Variants in GABRR3 observed in about 807,000 individuals in gnomAD.
GABRR3 encodes gamma-aminobutyric acid type A receptor subunit rho3.
A neutral mutation model predicts 43.2 loss-of-function variants in GABRR3; 29 were observed. The observed-to-expected ratio is 0.67, with a 90% CI of 0.50 to 0.92. GABRR3 has a LOEUF of 0.92. GABRR3 is among the 40% of genes least tolerant of loss of function. The pLI is 0.00. For synonymous variants in GABRR3, 206 were observed against 195.9 expected (o/e 1.05, Z -0.43); for missense variants, 576 against 572.3 (o/e 1.01, Z -0.07).
intron 9 of GABRR3, among the ~76,000 whole-genome samples, chr3:97,987,825 G>A (rs1490886146): frequency 1.3e-5 from 2 of 151,880 alleles, no homozygotes; most frequent in Non-Finnish European, 2.9e-5. Context: ...CATCTAGGCT[G>A]GAGGGCAGTG....
At position 98,035,229 on chromosome 3, in the gene GABRR3, T is replaced by A. The variant is rs561993365; in HGVS notation, c.-42A>T. 14 of 498,570 alleles carry A rather than the reference T, an allele frequency of 2.8e-5. No individual in the cohort carries two copies. In the East Asian group the frequency reaches 4.1e-4, roughly 15 times the overall value. 30.9% of individuals were successfully genotyped at this position (498,570 alleles called of 1,614,324 possible). A position where few individuals can be genotyped will look rare whatever the true frequency, so the allele number is the denominator to read the frequency against. Reference sequence around the variant, plus strand: ...ATTTGAGGAAAACAAAGCAGATTTTTAAAATTTTCAGTTTACATCCTTTGG... The same window carrying A: ...ATTTGAGGAAAACAAAGCAGATTTTAAAAATTTTCAGTTTACATCCTTTGG... On this transcript the variant is annotated 5_prime_UTR_variant, in exon 1 of 10. Coordinates refer to ENST00000621172, the Ensembl canonical transcript of GABRR3.
intron 2 of GABRR3, among the ~76,000 whole-genome samples, chr3:98,030,052 T>C (rs1462619071): frequency 1.3e-5 from 2 of 148,222 alleles, no homozygotes; most frequent in East Asian, 2.0e-4. Context: ...GAGGCAGAGG[T>C]GGCAGTGAGC....
chr3:98,016,707 A>G (rs1706876637), intron 4 of GABRR3, among the ~76,000 whole-genome samples: 1 of 152,228 alleles, frequency 6.6e-6, no homozygotes, highest in Admixed American at 6.5e-5. Flanking sequence ...ATCAAGAGTG[A>G]GTAAAAAGGA....
Position 97,998,531 on chromosome 3 carries a change from G to A in GABRR3, c.907+3084C>T, listed in dbSNP as rs77682774. Reference sequence around the variant, plus strand: ...AAATATTTGTTTCAGATAGCACATTGCAATTAAACTTTAAGGGATTATCAC... The same window carrying A: ...AAATATTTGTTTCAGATAGCACATTACAATTAAACTTTAAGGGATTATCAC... On this transcript the variant is annotated intron_variant, in intron 8 of 9. Coordinates refer to ENST00000621172, the Ensembl canonical transcript of GABRR3. The A allele has an allele frequency of 5.0e-3, 756 of 152,216 alleles. 5 individuals carry two copies. Among genetic ancestry groups the A allele is most frequent in the African/African-American group, 0.017 (712 of 41,532 alleles). 9.4% of individuals were successfully genotyped at this position (152,216 alleles called of 1,614,324 possible).
intron 5 of GABRR3, 97 bp downstream of exon 5, chr3:98,012,247 A>C: frequency 1.2e-6 from 1 of 840,208 alleles, no homozygotes; most frequent in East Asian, 2.6e-5. Flanking sequence ...TTAAACAGAC[A>C]GCAACATTGT....
downstream of GABRR3, among the ~76,000 whole-genome samples, chr3:97,985,378 G>GT (rs1706370756): frequency 6.6e-6 from 1 of 152,168 alleles, no homozygotes; most frequent in South Asian, 2.1e-4. Context: ...ATTTCATTCA[G>GT]TTTTTTCACT....
chr3:98,008,812 AAAAAAAG>A lies in GABRR3; in HGVS notation c.613+137_613+143del. The A allele has an allele frequency of 1.2e-5, 5 of 419,956 alleles. No homozygotes were observed. In the South Asian group the frequency reaches 2.1e-4, roughly 17 times the overall value. 26.0% of individuals were successfully genotyped at this position (419,956 alleles called of 1,614,324 possible). ...AAAACAGAAACCAAAAAAAAAAAAAAAAAAAAGAAGCCACAATTGTTTCAGTTTTGGA... is the reference window on the plus strand; with the variant it reads ...AAAACAGAAACCAAAAAAAAAAAAAAAAGCCACAATTGTTTCAGTTTTGGA... On this transcript the variant is annotated intron_variant, in intron 6 of 9. Coordinates refer to ENST00000621172, the Ensembl canonical transcript of GABRR3.
intron 3 of GABRR3, among the ~76,000 whole-genome samples, chr3:98,024,971 T>C (rs1262351535): frequency 1.3e-5 from 2 of 152,262 alleles, no homozygotes; most frequent in Non-Finnish European, 2.9e-5. Flanking sequence ...TCTGTTTTCA[T>C]GGCCTTGGGC....
intron 6 of GABRR3, among the ~76,000 whole-genome samples, chr3:98,008,412 C>G (rs1706749498): frequency 6.6e-6 from 1 of 152,156 alleles, no homozygotes; most frequent in Non-Finnish European, 1.5e-5. Flanking sequence ...TGGTGAGATT[C>G]CCAGCATTTT....
At chr3:97,988,723 ATGG>A (rs1706419789) in intron 9 of GABRR3, among the ~76,000 whole-genome samples, 1 of 145,982 alleles carries the variant, frequency 6.9e-6, no homozygotes, top group South Asian at 2.2e-4. Context: ...CTGTTGGTGA[ATGG>A]TGGTGGTAGG....
chr3:97,985,401 T>C (rs1309228195), downstream of GABRR3, among the ~76,000 whole-genome samples: 1 of 152,260 alleles, frequency 6.6e-6, no homozygotes, highest in African/African-American at 2.4e-5. Context: ...ATACAATATC[T>C]GGAAGCATCT....
intron 2 of GABRR3, among the ~76,000 whole-genome samples, chr3:98,033,872 T>C (rs914835303): frequency 3.3e-5 from 5 of 152,158 alleles, no homozygotes; most frequent in Non-Finnish European, 7.4e-5. Context: ...TTAATCGCAG[T>C]GCAGGAATCA....
chr3:97,993,024 G>T (rs746698841), exon 9 of GABRR3: 3 of 1,611,296 alleles, frequency 1.9e-6, no homozygotes, highest in East Asian at 4.5e-5. Context: ...GATGATTGTG[G>T]ACATGGTCAG....
intron 9 of GABRR3, among the ~76,000 whole-genome samples, chr3:97,987,195 C>T (rs975078117): frequency 2.0e-5 from 3 of 152,096 alleles, no homozygotes; most frequent in South Asian, 2.1e-4. Context: ...ACCATGTCAT[C>T]GGTGATCCAT....
intron 2 of GABRR3, among the ~76,000 whole-genome samples, chr3:98,027,109 GT>G (rs1289026315): frequency 5.9e-5 from 9 of 152,036 alleles, no homozygotes; most frequent in Non-Finnish European, 1.5e-5. Flanking sequence ...AACTAGAAAA[GT>G]TTTTTCAAGG....
downstream of GABRR3, among the ~76,000 whole-genome samples, chr3:97,985,817 T>A (rs1326888327): frequency 1.3e-5 from 2 of 151,460 alleles, no homozygotes; most frequent in Non-Finnish European, 2.9e-5. Context: ...CCTCTCCACT[T>A]ATGCTCACAA....
rs1706748680 is a variant in GABRR3, at chr3:98,008,348, T to C, written c.614-444A>G. Among the ~76,000 whole-genome samples, 3 of 152,160 alleles carry C rather than the reference T, an allele frequency of 2.0e-5. No homozygotes were observed. In the South Asian group the frequency reaches 6.2e-4, roughly 32 times the overall value. On this transcript the variant is annotated intron_variant, in intron 6 of 9. Transcript: ENST00000621172. ...CAAGAAATTTTCTAAAGTCAAATAG[T>C]GGTATGGAAAATTTCTAATGGAGTT...
intron 4 of GABRR3, among the ~76,000 whole-genome samples, chr3:98,014,202 G>A (rs1706848294): frequency 6.6e-6 from 1 of 152,188 alleles, no homozygotes; most frequent in African/African-American, 2.4e-5. Flanking sequence ...TTATTCAGGA[G>A]GTAAAGATGA....
chr3:98,007,308 A>G (rs1275154537), intron 7 of GABRR3, among the ~76,000 whole-genome samples: 1 of 152,058 alleles, frequency 6.6e-6, no homozygotes, highest in Admixed American at 6.6e-5. Flanking sequence ...GGCCAAGCAG[A>G]GGCCCTGTAG....
Sources: allele counts gnomAD v4.1 joint callset (sites outside exome capture counted in the v4.1 genomes callset), GRCh38; gene constraint gnomAD v4.1.1; transcripts MANE v1.5; gene names NCBI Gene and HGNC (gene_info 2026-07-23, HGNC 2026-07-21).